Variants in KCNIP4 observed in about 807,000 individuals in gnomAD.
KCNIP4 encodes potassium voltage-gated channel interacting protein 4.
KCNIP4 carries 12 observed loss-of-function variants against 34.0 expected under a neutral mutation model. That is an observed-to-expected ratio of 0.35 (90% confidence interval 0.23 to 0.57). KCNIP4 has a LOEUF of 0.57. Among genes scored for constraint, KCNIP4 ranks in the 20% least tolerant of loss-of-function variants. The pLI is 0.83. For missense variants in KCNIP4, 238 were observed against 311.7 expected, an observed-to-expected ratio of 0.76 and a Z score of 1.78; for synonymous variants, 124 against 102.2, an observed-to-expected ratio of 1.21 and a Z score of -1.29.
intron 1 of KCNIP4, among the ~76,000 whole-genome samples, chr4:21,858,025 A>G (rs1193203216): frequency 6.6e-6 from 1 of 152,170 alleles, no homozygotes; most frequent in Non-Finnish European, 1.5e-5. Context: ...GGCACCCGTG[A>G]TGGTGCCTGG....
chr4:21,596,745 C>CA (rs1429096847), intron 1 of KCNIP4, among the ~76,000 whole-genome samples: 1 of 152,046 alleles, frequency 6.6e-6, no homozygotes, highest in African/African-American at 2.4e-5. Context: ...TTGCTTAGTA[C>CA]AAATGCGTCT....
chr4:21,095,203 C>T (rs932404627), intron 1 of KCNIP4, among the ~76,000 whole-genome samples: 1 of 152,110 alleles, frequency 6.6e-6, no homozygotes, highest in South Asian at 2.1e-4. Flanking sequence ...TGTGATCATT[C>T]ATGTTGTTTA....
In KCNIP4 at chr4:21,807,300, CG is replaced by C. The variant is rs1388818780; in HGVS notation, c.61+141270del. On this transcript the variant is annotated intron_variant, in intron 1 of 8. Coordinates refer to ENST00000382152, the MANE Select transcript of KCNIP4 (RefSeq NM_025221.6). ...TCCTAACAGACCACAGACTGCGACTCGTCCATGGCCTGAGGGTTGGGGACCC... is the reference window on the plus strand; with the variant it reads ...TCCTAACAGACCACAGACTGCGACTCTCCATGGCCTGAGGGTTGGGGACCC... Among the ~76,000 whole-genome samples the C allele has an allele frequency of 2.6e-5, 4 of 152,248 alleles. No homozygotes were observed. In the East Asian group the frequency reaches 7.7e-4, roughly 29 times the overall value.
chr4:20,915,131 T>G (rs192070969), intron 1 of KCNIP4, among the ~76,000 whole-genome samples: 1 of 152,340 alleles, frequency 6.6e-6, no homozygotes, highest in African/African-American at 2.4e-5. Flanking sequence ...ATGACATATA[T>G]TTTTCAAAGC....
intron 1 of KCNIP4, among the ~76,000 whole-genome samples, chr4:21,534,290 T>G (rs1736972941): frequency 6.6e-6 from 1 of 152,218 alleles, no homozygotes; most frequent in South Asian, 2.1e-4. Context: ...TTACAGACAC[T>G]GCAGTGCACT....
intron 1 of KCNIP4, among the ~76,000 whole-genome samples, chr4:21,560,650 A>G (rs1037864914): frequency 3.3e-5 from 5 of 152,096 alleles, no homozygotes; most frequent in African/African-American, 1.2e-4. Context: ...TAATATTAAG[A>G]TATAAAAATG....
At chr4:20,761,870 TTA>T (rs1354755842) in intron 3 of KCNIP4, among the ~76,000 whole-genome samples, 1 of 152,190 alleles carries the variant, frequency 6.6e-6, no homozygotes, top group African/African-American at 2.4e-5. Context: ...AAATTTGTTT[TTA>T]TCCACCTTAT....
intron 1 of KCNIP4, among the ~76,000 whole-genome samples, chr4:21,891,923 A>C (rs1243978709): frequency 6.6e-6 from 1 of 152,044 alleles, no homozygotes; most frequent in Admixed American, 6.6e-5. Flanking sequence ...ATTAATTGAG[A>C]GTTGTGGTAA....
chr4:21,868,924 G>A (rs543921449), intron 1 of KCNIP4, among the ~76,000 whole-genome samples: 7 of 152,240 alleles, frequency 4.6e-5, no homozygotes, highest in African/African-American at 1.2e-4. Context: ...ATAGGCTGAC[G>A]GCAACAGGAT....
rs757556154 is a variant in KCNIP4 at position 20,730,103 on chromosome 4, C to T, written c.732G>A (p.Gln244=). The stretch of plus-strand genomic sequence containing the variant: ...CAAGTTAAATCACATTTTCAAAGAG[C>T]TGCATGGAGCGCATTATGTTTTCAT... The part of the protein sequence containing the change: ...QKDENIMRSM[Q]LFENVI The change falls in exon 9 of 9, where the codon CAG becomes CAA. Residue 244 remains glutamine, a synonymous_variant. Transcript: ENST00000382152. 6.2e-7 allele frequency: 1 copy of T among 1,608,740 alleles called. No homozygotes were observed. The highest frequency in any genetic ancestry group is 8.5e-7 in the Non-Finnish European group (1 of 1,178,154).
In KCNIP4 at chr4:21,373,166, G is replaced by T. The variant is rs137899811; in HGVS notation, c.62-490457C>A. Among the ~76,000 whole-genome samples, 289 of 146,528 alleles carry T rather than the reference G, an allele frequency of 2.0e-3. 52 individuals are homozygous for T. Among genetic ancestry groups the T allele is most frequent in the African/African-American group, 7.7e-3 (282 of 36,392 alleles). On this transcript the variant is annotated intron_variant, in intron 1 of 8. Coordinates refer to ENST00000382152, the MANE Select transcript of KCNIP4 (RefSeq NM_025221.6). ...GCAAGACCTTGTCTCTACAAAAAAT[G>T]TAAAAAATTATCTGGCTGTGGTGGT...
intron 2 of KCNIP4, among the ~76,000 whole-genome samples, chr4:20,875,444 C>G (rs1165121263): frequency 1.3e-5 from 2 of 152,072 alleles, no homozygotes; most frequent in African/African-American, 4.8e-5. Context: ...ACTGTGCAAG[C>G]CACTTAAAAC....
chr4:21,653,007 G>A (rs1747627015), intron 1 of KCNIP4, among the ~76,000 whole-genome samples: 1 of 152,106 alleles, frequency 6.6e-6, no homozygotes, highest in South Asian at 2.1e-4. Flanking sequence ...TGGGGAAAGG[G>A]AACCACAAAC....
intron 1 of KCNIP4, among the ~76,000 whole-genome samples, chr4:21,456,539 C>T (rs1311221566): frequency 6.8e-6 from 1 of 147,704 alleles, no homozygotes; most frequent in African/African-American, 2.6e-5. Context: ...GTAATTATAT[C>T]CATAAAGTCC....
Position 21,649,415 on chromosome 4 carries a change from G to C in KCNIP4, c.61+299156C>G, listed in dbSNP as rs60318180. 4.6e-3 allele frequency among the ~76,000 whole-genome samples: 702 copies of C among 152,190 alleles called. 2 individuals are homozygous for C. The highest frequency in any genetic ancestry group is 0.027 in the Middle Eastern group (8 of 294). On this transcript the variant is annotated intron_variant, in intron 1 of 8. Coordinates refer to ENST00000382152, the MANE Select transcript of KCNIP4 (RefSeq NM_025221.6). ...CTACATACTGATGCTATAAGAAAGA[G>C]ATAAAAATGAGAAGGATATGTAAGA...
intron 1 of KCNIP4, among the ~76,000 whole-genome samples, chr4:21,801,441 G>T (rs1720988599): frequency 6.6e-6 from 1 of 152,014 alleles, no homozygotes; most frequent in Non-Finnish European, 1.5e-5. Flanking sequence ...TAGAAATTGT[G>T]CCATGGATTT....
At position 21,208,607 on chromosome 4, in the gene KCNIP4, T is replaced by A. The variant is rs565074656; in HGVS notation, c.62-325898A>T. Among the ~76,000 whole-genome samples, 260 of 152,266 alleles carry A rather than the reference T, an allele frequency of 1.7e-3. 1 individual carries two copies. The highest frequency in any genetic ancestry group is 5.8e-3 in the African/African-American group (240 of 41,558). On this transcript the variant is annotated intron_variant, in intron 1 of 8. Transcript: ENST00000382152. Reference sequence around the variant, plus strand: ...TTTCTGGTCATTGACGGTCTTTTTTTCCCCTTCTGCTTATTTTCTTTCTAG... The same window carrying A: ...TTTCTGGTCATTGACGGTCTTTTTTACCCCTTCTGCTTATTTTCTTTCTAG...
chr4:21,882,062 T>C (rs1726490244), intron 1 of KCNIP4, among the ~76,000 whole-genome samples: 1 of 152,186 alleles, frequency 6.6e-6, no homozygotes. Flanking sequence ...AGAAATTGTA[T>C]CTACTACATT....
chr4:20,733,884 T>C (rs867106759), intron 6 of KCNIP4, among the ~76,000 whole-genome samples: 26 of 152,152 alleles, frequency 1.7e-4, no homozygotes, highest in Admixed American at 1.4e-3. Context: ...CCTGGCACAC[T>C]TGCACCTGTG....
Sources: allele counts gnomAD v4.1 joint callset (sites outside exome capture counted in the v4.1 genomes callset), GRCh38; gene constraint gnomAD v4.1.1; transcripts MANE v1.5; gene names NCBI Gene and HGNC (gene_info 2026-07-23, HGNC 2026-07-21).